SPIN3: variants seen among roughly 807,000 people sequenced by gnomAD.
The protein encoded by SPIN3 is spindlin family member 3.
For missense variants in SPIN3, 176 were observed against 196.4 expected (o/e 0.90, Z 0.62); for synonymous variants, 74 against 74.3 (o/e 1.00, Z 0.02).
downstream of SPIN3, chrX:56,975,211 G>A (rs776279212): frequency 1.4e-4 from 16 of 112,333 alleles, no homozygotes; most frequent in South Asian, 7.4e-4. Flanking sequence ...TGCCCAAGGC[G>A]GTTGGGGTGC....
downstream of SPIN3, among the ~76,000 whole-genome samples, chrX:56,990,289 A>G (rs1924302235): frequency 9.0e-6 from 1 of 111,582 alleles, no homozygotes; most frequent in African/African-American, 3.3e-5. Context: ...AAGAATCATA[A>G]ACACTGAGCC....
chrX:56,985,426 A>C (rs756601261), intron 2 of SPIN3, among the ~76,000 whole-genome samples: 2 of 112,482 alleles, frequency 1.8e-5, no homozygotes, highest in African/African-American at 6.5e-5. Context: ...GCCCATATCC[A>C]AAGACGGATT....
At chrX:56,978,295 G>A (rs1473114369) in exon 5 of SPIN3, 1 of 112,326 alleles carries the variant, frequency 8.9e-6, no homozygotes, top group African/African-American at 3.2e-5. Flanking sequence ...GCCTTACCTT[G>A]ACTATGAATG....
chrX:56,981,921 T>C (rs1447657133), intron 3 of SPIN3: 1 of 111,736 alleles, frequency 8.9e-6, no homozygotes, highest in African/African-American at 3.3e-5. Flanking sequence ...GGAAGAGAAG[T>C]TGACTGACTT....
chrX:56,992,922 TA>T lies in SPIN3; in HGVS notation c.*1248del, dbSNP rs1213757532. On this transcript the variant is annotated 3_prime_UTR_variant, in exon 2 of 2. Transcript: ENST00000374919. ...AGGGCCAGCCAAGAAACAGGATAGT[TA>T]AAAATCCAAACACTAACAAAAATCT... is the stretch of plus-strand genomic sequence containing the variant. The T allele has an allele frequency of 7.5e-6, 1 of 133,840 alleles. No homozygotes were observed. The highest frequency in any genetic ancestry group is 8.9e-5 in the Admixed American group (1 of 11,262). The allele number at this position is 133,840 out of a possible 1,213,427, so 11.0% of individuals were successfully genotyped here. A position where few individuals can be genotyped will look rare whatever the true frequency, so the allele number is the denominator to read the frequency against.
downstream of SPIN3, among the ~76,000 whole-genome samples, chrX:56,990,159 A>G (rs1055549686): frequency 1.8e-5 from 2 of 111,257 alleles, no homozygotes; most frequent in African/African-American, 6.5e-5. Flanking sequence ...ACATCATAGG[A>G]CACAGGTTAT....
chrX:56,993,260 T>G lies in SPIN3; in HGVS notation c.*911A>C, dbSNP rs948760540. The G allele has an allele frequency of 2.7e-5, 3 of 112,039 alleles. 1 individual carries two copies. The South Asian group carries it at 1.1e-3, about 42-fold the overall frequency. The allele number at this position is 112,039 out of a possible 1,213,427, so 9.2% of individuals were successfully genotyped here. The stretch of plus-strand genomic sequence containing the variant: ...CTTTCATTTTGAGGTTCTGGACAGA[T>G]CTGTCCAAACCCAGCCAAACCCAGC... On this transcript the variant is annotated 3_prime_UTR_variant, in exon 2 of 2. Coordinates refer to ENST00000374919, the MANE Select transcript of SPIN3 (RefSeq NM_001010862.3).
intron 3 of SPIN3, chrX:56,982,314 G>A (rs1924137786): frequency 9.0e-6 from 1 of 111,473 alleles, no homozygotes; most frequent in Non-Finnish European, 1.9e-5. Context: ...CAAGGTTGGA[G>A]TTCCAGCCCC....
chrX:56,986,746 A>T (rs1430700645), downstream of SPIN3, among the ~76,000 whole-genome samples: 1 of 112,759 alleles, frequency 8.9e-6, no homozygotes, highest in Non-Finnish European at 1.9e-5. Context: ...CACCTGTTTC[A>T]TAGATTTGGG....
At chrX:56,989,059 C>T (rs1924278535), downstream of SPIN3, among the ~76,000 whole-genome samples, 1 of 111,718 alleles carries the variant, frequency 9.0e-6, no homozygotes, top group Non-Finnish European at 1.9e-5. Context: ...ATGCTTTGGA[C>T]CAGAAGCTAC....
downstream of SPIN3, among the ~76,000 whole-genome samples, chrX:56,989,982 G>A (rs183321631): frequency 6.6e-4 from 66 of 100,243 alleles, no homozygotes; most frequent in Non-Finnish European, 8.4e-4. Context: ...CACCCTGTCC[G>A]TGGAAAAATT....
downstream of SPIN3, among the ~76,000 whole-genome samples, chrX:56,989,714 T>C (rs1289040398): frequency 9.0e-6 from 1 of 111,252 alleles, no homozygotes; most frequent in East Asian, 2.8e-4. Context: ...ATGAACCCTA[T>C]TGTGAACTGT....
downstream of SPIN3, among the ~76,000 whole-genome samples, chrX:56,987,113 A>G (rs1268996059): frequency 8.9e-6 from 1 of 112,026 alleles, no homozygotes; most frequent in Non-Finnish European, 1.9e-5. Flanking sequence ...CCTGGGCAAC[A>G]AGAGCAAAAC....
intron 2 of SPIN3, among the ~76,000 whole-genome samples, chrX:56,985,350 CCCCATTAGAGATTG>C (rs1490533662): frequency 5.3e-5 from 6 of 112,285 alleles, no homozygotes; most frequent in African/African-American, 1.6e-4. Context: ...CAGCTCTCAC[CCCCATTAGAGATTG>C]CCTCAGCTGC....
At chrX:56,988,257 TTTGC>T (rs1259126269), downstream of SPIN3, among the ~76,000 whole-genome samples, 1 of 111,303 alleles carries the variant, frequency 9.0e-6, no homozygotes, top group African/African-American at 3.3e-5. Flanking sequence ...AAAATAAAAC[TTTGC>T]TTGTTTACTC....
At position 56,994,320 on chromosome X, in the gene SPIN3, C is replaced by G; in HGVS notation, c.628G>C (p.Val210Leu). 1 of 1,211,949 alleles carries G rather than the reference C, an allele frequency of 8.3e-7. No homozygotes were observed. The highest frequency in any genetic ancestry group is 1.1e-6 in the Non-Finnish European group (1 of 895,585). Residue 210 changes from valine (V) to leucine (L), a missense_variant, in exon 2 of 2, where the codon GTA becomes CTA. Val to Leu is a conservative substitution (Grantham distance 32, BLOSUM62 1). Coordinates refer to ENST00000374919, the MANE Select transcript of SPIN3 (RefSeq NM_001010862.3). ...TTGGCGTATTCCACCTGTTTGCCTA[C>G]CAGGCTGTCTATGACTTCTCCTGGC... ...REPGEVIDSL[V>L]GKQVEYAKDD...
In SPIN3 at chrX:56,990,892, A is replaced by G. The variant is rs1232343819; in HGVS notation, c.*3279T>C. ...TGAAAAAAGCAAAATTCAGAACAGC[A>G]TGTATAGTATGCCACCATTTGTGTA... On this transcript the variant is annotated 3_prime_UTR_variant, in exon 2 of 2. Transcript: ENST00000374919. 3 of 98,086 alleles carry G rather than the reference A, an allele frequency of 3.1e-5. No homozygotes were observed. The Admixed American group carries it at 3.5e-4, about 11-fold the overall frequency. 8.1% of individuals were successfully genotyped at this position (98,086 alleles called of 1,213,427 possible). A position where few individuals can be genotyped will look rare whatever the true frequency, so the allele number is the denominator to read the frequency against.
chrX:56,976,346 T>C (rs1021181377), downstream of SPIN3: 2 of 112,072 alleles, frequency 1.8e-5, no homozygotes, highest in African/African-American at 6.5e-5. Context: ...TCTACTATTA[T>C]TAATCTTTAT....
Position 56,994,141 on chromosome X carries a change from T to C in SPIN3, c.*30A>G. 1.7e-6 allele frequency: 2 copies of C among 1,154,214 alleles called. No individual in the cohort carries two copies. The highest frequency in any genetic ancestry group is 4.1e-5 in the South Asian group (2 of 49,237). ...TTTCTGTGTCTACAGATTTAGAGTC[T>C]CATATATTTGGCAAATTTCAAGATG... On this transcript the variant is annotated 3_prime_UTR_variant, in exon 2 of 2. Coordinates refer to ENST00000374919, the MANE Select transcript of SPIN3 (RefSeq NM_001010862.3).
Sources: allele counts gnomAD v4.1 joint callset (sites outside exome capture counted in the v4.1 genomes callset), GRCh38; gene constraint gnomAD v4.1.1; transcripts MANE v1.5; gene names NCBI Gene and HGNC (gene_info 2026-07-23, HGNC 2026-07-21).